Variants in RXRA observed in about 807,000 individuals in gnomAD.
The protein encoded by RXRA is retinoid X receptor alpha, also known as retinoic acid receptor RXR-alpha.
Under a neutral mutation model 44.5 loss-of-function variants are expected in RXRA, and 5 were observed. That is an observed-to-expected ratio of 0.11 (90% CI 0.06 to 0.24). The LOEUF (loss-of-function observed/expected upper bound fraction) is 0.24, where lower values mean the gene tolerates loss of function less well. Among genes scored for constraint, RXRA ranks in the 10% least tolerant of loss-of-function variants. The probability of loss-of-function intolerance (pLI) is 1.00; values close to 1 mark genes in which losing one functional copy is unlikely to be tolerated. For synonymous variants in RXRA, 291 were observed against 271.4 expected, an observed-to-expected ratio of 1.07 and a Z score of -0.71; for missense variants, 412 against 646.5, an observed-to-expected ratio of 0.64 and a Z score of 3.93.
At chr9:134,383,230 T>C (rs573589184) in intron 1 of RXRA, among the ~76,000 whole-genome samples, 5 of 152,162 alleles carry the variant, frequency 3.3e-5, no homozygotes, top group Non-Finnish European at 7.4e-5. Flanking sequence ...GGACTTGCTC[T>C]GGGGGTCTTT....
chr9:134,421,907 C>T, intron 6 of RXRA, 102 bp downstream of exon 6: 4 of 1,537,928 alleles, frequency 2.6e-6, no homozygotes, highest in South Asian at 1.2e-5. Context: ...GGGACACTCC[C>T]CTGTCCTGGG....
At position 134,343,233 on chromosome 9, in the gene RXRA, G is replaced by A. The variant is rs782273418; in HGVS notation, c.28+16574G>A. 3.3e-5 allele frequency among the ~76,000 whole-genome samples: 5 copies of A among 152,170 alleles called. No individual in the cohort carries two copies. The highest frequency in any genetic ancestry group is 3.9e-4 in the East Asian group (2 of 5,182). ...GAGTGTCGACTTTCTCATCTGTGAC[G>A]TGGGGTGAGGGCACTTGCTGCCCAG... On this transcript the variant is annotated intron_variant, in intron 1 of 9. Transcript: ENST00000481739. This position sits in a 1 kb window ranked among gnomAD's most constrained non-coding sequence, Gnocchi z 4.1.
chr9:134,373,581 A>G (rs528876806), intron 1 of RXRA, among the ~76,000 whole-genome samples: 1 of 152,066 alleles, frequency 6.6e-6, no homozygotes, highest in Non-Finnish European at 1.5e-5. Flanking sequence ...TACCTTCCTT[A>G]TGGTAGACAC....
At chr9:134,360,498 A>G (rs140056479) in intron 1 of RXRA, among the ~76,000 whole-genome samples, 2,399 of 152,220 alleles carry the variant, frequency 0.016, 22 homozygotes, top group Middle Eastern at 0.041. Context: ...TTTCTGAAGG[A>G]CTGGTATCAG....
chr9:134,420,521 T>C (rs1831312244), intron 5 of RXRA, among the ~76,000 whole-genome samples: 1 of 152,220 alleles, frequency 6.6e-6, no homozygotes, highest in Non-Finnish European at 1.5e-5. Context: ...GGCGAGTCTC[T>C]GTGCCATTCC....
chr9:134,368,696 T>C (rs1220001401), intron 1 of RXRA, among the ~76,000 whole-genome samples: 18 of 150,728 alleles, frequency 1.2e-4, no homozygotes, highest in Admixed American at 1.1e-3. Context: ...TATACGTGAA[T>C]GTGTGTGGAT....
intron 9 of RXRA, among the ~76,000 whole-genome samples, 160 bp downstream of exon 9, chr9:134,434,367 C>T (rs1448052834): frequency 6.6e-6 from 1 of 152,080 alleles, no homozygotes; most frequent in Admixed American, 6.5e-5. Context: ...GTCCTCCAGG[C>T]CAGTGGGCTG....
intron 4 of RXRA, among the ~76,000 whole-genome samples, chr9:134,415,388 G>A (rs1254202000): frequency 3.3e-5 from 5 of 151,912 alleles, no homozygotes; most frequent in Admixed American, 2.0e-4. Flanking sequence ...GGCTGACACC[G>A]TGGCGGGTAG....
chr9:134,331,918 T>C (rs1449184572), intron 1 of RXRA, among the ~76,000 whole-genome samples: 10 of 152,230 alleles, frequency 6.6e-5, no homozygotes, highest in Admixed American at 5.9e-4. Context: ...GCTGGGTCTA[T>C]GCCCCATGCT....
At chr9:134,402,107 C>T in intron 2 of RXRA, 1 of 552,366 alleles carries the variant, frequency 1.8e-6, no homozygotes, top group Non-Finnish European at 3.2e-6. Flanking sequence ...GCCGAGGTGA[C>T]TTGCAGCTGG....
At chr9:134,376,825 G>A (rs1169971578) in intron 1 of RXRA, among the ~76,000 whole-genome samples, 1 of 152,242 alleles carries the variant, frequency 6.6e-6, no homozygotes, top group African/African-American at 2.4e-5. Context: ...TGGGCCTGCA[G>A]GCTGCAGGGT....
At position 134,375,326 on chromosome 9, in the gene RXRA, C is replaced by T. The variant is rs147860015; in HGVS notation, c.29-26306C>T. 1.6e-3 allele frequency among the ~76,000 whole-genome samples: 249 copies of T among 152,212 alleles called. 4 individuals are homozygous for T. In the East Asian group the frequency reaches 0.044, roughly 27 times the overall value. On this transcript the variant is annotated intron_variant, in intron 1 of 9. Coordinates refer to ENST00000481739, the MANE Select transcript of RXRA (RefSeq NM_002957.6). ...GCCTGCTGTCTTCCTGGCCTGGTTC[C>T]GATGGCTGTGGCTGGCTGGGCACCC... is the stretch of plus-strand genomic sequence containing the variant.
intron 1 of RXRA, among the ~76,000 whole-genome samples, chr9:134,399,242 G>A (rs116345402): frequency 0.015 from 2,287 of 152,358 alleles, 54 homozygotes; most frequent in African/African-American, 0.052. Context: ...CAGTGCCCTG[G>A]TGGGCATGGT....
intron 1 of RXRA, among the ~76,000 whole-genome samples, chr9:134,368,942 ATG>A (rs756191301): frequency 8.1e-3 from 19 of 2,348 alleles, no homozygotes; most frequent in East Asian, 0.026. Flanking sequence ...GGGGTTATGT[ATG>A]TGTGTGAGTG....
chr9:134,394,806 G>A (rs965134115), intron 1 of RXRA, among the ~76,000 whole-genome samples: 2 of 152,214 alleles, frequency 1.3e-5, no homozygotes, highest in African/African-American at 2.4e-5. Context: ...CCACCATGGG[G>A]GCCTCTTGGG....
intron 1 of RXRA, among the ~76,000 whole-genome samples, chr9:134,367,970 GGCC>G (rs1201738580): frequency 1.3e-5 from 2 of 152,242 alleles, no homozygotes. Flanking sequence ...GGAGATGCTC[GGCC>G]GATAAGCCGC....
At chr9:134,379,971 G>A (rs2119099115) in intron 1 of RXRA, 1 of 985,284 alleles carries the variant, frequency 1.0e-6, no homozygotes, top group East Asian at 1.1e-4. Context: ...GTTGGTGGAG[G>A]CCTCGGGGCT....
chr9:134,341,616 A>G (rs1231038309), intron 1 of RXRA, among the ~76,000 whole-genome samples: 1 of 152,158 alleles, frequency 6.6e-6, no homozygotes, highest in Non-Finnish European at 1.5e-5. Flanking sequence ...AGGCGTGGGC[A>G]TGGGTGGCCC....
chr9:134,366,573 C>T lies in RXRA; in HGVS notation c.29-35059C>T, dbSNP rs1484563110. 6.6e-6 allele frequency among the ~76,000 whole-genome samples: 1 copy of T among 152,112 alleles called. No individual in the cohort carries two copies. Among genetic ancestry groups the T allele is most frequent in the Non-Finnish European group, 1.5e-5 (1 of 68,014 alleles). On this transcript the variant is annotated intron_variant, in intron 1 of 9. Transcript: ENST00000481739. The surrounding 1 kb of genome is among the most constrained non-coding windows in gnomAD (Gnocchi z 5.9). ...CCCGGGTGCTGGCCTGGGGACAGCA[C>T]CACAGGGCCCAGCCAGGGCTGGGGC...
Sources: gnomAD v4.1 joint callset for allele counts (sites outside exome capture counted in the v4.1 genomes callset) on GRCh38, gnomAD v4.1.1 for gene constraint, Gnocchi (gnomAD v3.1) non-coding constraint, MANE v1.5 for transcripts, NCBI Gene and HGNC (gene_info 2026-07-23, HGNC 2026-07-21) for gene names.